Variants in BCAT2 observed in about 807,000 individuals in gnomAD.
BCAT2 encodes the protein branched-chain-amino-acid aminotransferase, mitochondrial.
A neutral mutation model predicts 52.9 loss-of-function variants in BCAT2; 44 were observed. That is an observed-to-expected ratio of 0.83 (90% CI 0.65 to 1.07). BCAT2 has a LOEUF of 1.07. Among genes scored for constraint, BCAT2 ranks in the 50% least tolerant of loss-of-function variants. The pLI is 0.00. For synonymous variants in BCAT2, 215 were observed against 217.1 expected (o/e 0.99, Z 0.08); for missense variants, 478 against 521.8 (o/e 0.92, Z 0.82).
intron 3 of BCAT2, among the ~76,000 whole-genome samples, chr19:48,803,830 T>C (rs1360014356): frequency 6.6e-6 from 1 of 152,138 alleles, no homozygotes; most frequent in East Asian, 1.9e-4. Flanking sequence ...GTGCTGATGG[T>C]TGCATAACAT....
At chr19:48,808,177 G>C in intron 1 of BCAT2, 1 of 986,674 alleles carries the variant, frequency 1.0e-6, no homozygotes, top group Non-Finnish European at 1.2e-6. Flanking sequence ...ATCAGAGCGT[G>C]GGTCCCCAGA....
intron 10 of BCAT2, chr19:48,796,044 T>C (rs2034502879): frequency 2.5e-6 from 1 of 400,596 alleles, no homozygotes; most frequent in African/African-American, 2.1e-5. Flanking sequence ...AGGGCCTTTC[T>C]CCCACCAGGG....
chr19:48,806,730 A>C lies in BCAT2; in HGVS notation c.100-13T>G, dbSNP rs1257818167. 1 of 1,611,318 alleles carries C rather than the reference A, an allele frequency of 6.2e-7. No homozygotes were observed. The highest frequency in any genetic ancestry group is 1.1e-5 in the South Asian group (1 of 91,084). On this transcript the variant is annotated splice_polypyrimidine_tract_variant and intron_variant, in intron 2 of 10. Coordinates refer to ENST00000316273, the MANE Select transcript of BCAT2 (RefSeq NM_001190.4). ...GCAGGTCTGCAGCCTGAGGAAAGACAGGGGTATCCTAGAATCTGGCCACAA... is the reference window on the plus strand; with the variant it reads ...GCAGGTCTGCAGCCTGAGGAAAGACCGGGGTATCCTAGAATCTGGCCACAA...
rs1045285691 is a variant in BCAT2, at chr19:48,799,838, G to A, written c.532C>T (p.Pro178Ser). 4 of 1,559,184 alleles carry A rather than the reference G, an allele frequency of 2.6e-6. No individual in the cohort carries two copies. Among genetic ancestry groups the A allele is most frequent in the Admixed American group, 3.9e-5 (2 of 51,408 alleles). ...YVRPVLIGNE[P>S]SLGVSQPTRA... The stretch of plus-strand genomic sequence containing the variant: ...GTGGGCTGGCTGACACCCAGCGAGG[G>A]CTGCGACGGGCAAAGGGACAGCGTC... The change falls in exon 6 of 11, where the codon CCC (proline) becomes TCC (serine). Residue 178 changes from proline to serine, a missense_variant and splice_region_variant. Coordinates refer to ENST00000316273, the MANE Select transcript of BCAT2 (RefSeq NM_001190.4). The surrounding 1 kb of genome is among the most constrained non-coding windows in gnomAD (Gnocchi z 5.5).
chr19:48,796,080 G>A (rs1472121632), intron 10 of BCAT2: 2 of 469,346 alleles, frequency 4.3e-6, no homozygotes, highest in African/African-American at 2.0e-5. Context: ...AGGATCACAG[G>A]GAGGGAGTTT....
In BCAT2 at chr19:48,796,516, TG is replaced by T; in HGVS notation, c.1066-15del. On this transcript the variant is annotated splice_polypyrimidine_tract_variant and intron_variant, in intron 9 of 10. Coordinates refer to ENST00000316273, the MANE Select transcript of BCAT2 (RefSeq NM_001190.4). ...AATGTGGAGGTTCTGGGACAGAAGG[TG>T]CGGTGAGGACCAAGCCCCTCCCCTC... 1 of 1,612,182 alleles carries T rather than the reference TG, an allele frequency of 6.2e-7. No individual in the cohort carries two copies. The highest frequency in any genetic ancestry group is 8.5e-7 in the Non-Finnish European group (1 of 1,179,474).
At position 48,797,256 on chromosome 19, in the gene BCAT2, G is replaced by T; in HGVS notation, c.773C>A (p.Pro258His). 1 of 1,613,914 alleles carries T rather than the reference G, an allele frequency of 6.2e-7. No individual in the cohort carries two copies. The highest frequency in any genetic ancestry group is 8.5e-7 in the Non-Finnish European group (1 of 1,179,952). ...TCCCACCTCGGTGAGCTGGTGGTCG[G>T]GCCCATACAGCCAGAGGACCTGTTC... ...GCEQVLWLYG[P>H]DHQLTEVGTM... The change falls in exon 7 of 11, where the codon CCC (proline) becomes CAC (histidine). Residue 258 changes from proline to histidine, a missense_variant. By Grantham distance (77) the Pro-to-His change is moderately conservative. Coordinates refer to ENST00000316273, the MANE Select transcript of BCAT2 (RefSeq NM_001190.4).
At chr19:48,809,426 A>G (rs2034871350) in intron 1 of BCAT2, among the ~76,000 whole-genome samples, 1 of 151,676 alleles carries the variant, frequency 6.6e-6, no homozygotes, top group Non-Finnish European at 1.5e-5. Flanking sequence ...TCCATACTCC[A>G]GGACTGTCCC....
At position 48,807,562 on chromosome 19, in the gene BCAT2, T is replaced by C; in HGVS notation, c.25-488A>G. 1 of 312,876 alleles carries C rather than the reference T, an allele frequency of 3.2e-6. No homozygotes were observed. Among genetic ancestry groups the C allele is most frequent in the Non-Finnish European group, 4.7e-6 (1 of 214,252 alleles). 19.4% of individuals were successfully genotyped at this position (312,876 alleles called of 1,614,324 possible). On this transcript the variant is annotated intron_variant, in intron 1 of 10. Coordinates refer to ENST00000316273, the MANE Select transcript of BCAT2 (RefSeq NM_001190.4). This position sits in a 1 kb window ranked among gnomAD's most constrained non-coding sequence, Gnocchi z 4.6. The stretch of plus-strand genomic sequence containing the variant: ...GCTGCCTCCTCCCTCAGACCCGAAG[T>C]CTGGGCCCCCAGCCCCTCCTCCCTC...
chr19:48,810,986 G>T lies in BCAT2; in HGVS notation c.22C>A (p.Gln8Lys), dbSNP rs200969968. ...CCGGCGCGGGGCTGCGAACCCACCT[G>T]CCCCAGAGCGGCTGCGGCCATGATC... MAAAALG[Q>K]IWARKLLSVP... Residue 8 changes from glutamine to lysine, a missense_variant and splice_region_variant, in exon 1 of 11, where the codon CAG (glutamine) becomes AAG (lysine). By Grantham distance (53) the Gln-to-Lys change is moderately conservative (BLOSUM62 1). Coordinates refer to ENST00000316273, the MANE Select transcript of BCAT2 (RefSeq NM_001190.4). The T allele has an allele frequency of 2.7e-5, 43 of 1,608,278 alleles. No homozygotes were observed. Among genetic ancestry groups the T allele is most frequent in the Non-Finnish European group, 2.5e-6 (3 of 1,178,122 alleles).
chr19:48,797,036 A>G lies in BCAT2; in HGVS notation c.839-14T>C. On this transcript the variant is annotated splice_polypyrimidine_tract_variant and intron_variant, in intron 7 of 10. Transcript: ENST00000316273. Reference sequence around the variant, plus strand: ...CCAGCTCCAGCACTAGGGCAGGTGTAAGGGGTGGAAGATGTTACCTCTCAC... The same window carrying G: ...CCAGCTCCAGCACTAGGGCAGGTGTGAGGGGTGGAAGATGTTACCTCTCAC... 2 of 1,613,988 alleles carry G rather than the reference A, an allele frequency of 1.2e-6. No individual in the cohort carries two copies. Among genetic ancestry groups the G allele is most frequent in the Non-Finnish European group, 1.7e-6 (2 of 1,179,856 alleles).
chr19:48,803,187 A>G (rs1020324091), intron 3 of BCAT2, among the ~76,000 whole-genome samples: 2 of 148,238 alleles, frequency 1.3e-5, no homozygotes, highest in Non-Finnish European at 3.0e-5. Flanking sequence ...AGAGCAAGAC[A>G]CCGTCTCAAA....
At chr19:48,808,885 G>A (rs945237563) in intron 1 of BCAT2, among the ~76,000 whole-genome samples, 23 of 151,788 alleles carry the variant, frequency 1.5e-4, no homozygotes, top group African/African-American at 5.6e-4. Flanking sequence ...ATCAGCCTGG[G>A]CAATATAGCA....
intron 10 of BCAT2, among the ~76,000 whole-genome samples, chr19:48,795,675 A>G (rs890646249): frequency 6.6e-6 from 1 of 152,158 alleles, no homozygotes; most frequent in Non-Finnish European, 1.5e-5. Context: ...TTCTGAAGAC[A>G]GGAATTATGG....
intron 3 of BCAT2, among the ~76,000 whole-genome samples, chr19:48,801,795 C>T (rs1018537561): frequency 6.6e-6 from 1 of 152,010 alleles, no homozygotes; most frequent in Non-Finnish European, 1.5e-5. Context: ...TACAACCACG[C>T]CCGGCTAATT....
Position 48,796,049 on chromosome 19 carries a change from C to G in BCAT2, c.1140+379G>C, listed in dbSNP as rs147044185. ...ATTCATGGAAAGGGCCTTTCTCCCA[C>G]CAGGGCACCCGGGGCAGCAGAGGAT... On this transcript the variant is annotated intron_variant, in intron 10 of 10. Transcript: ENST00000316273. 2.0e-3 allele frequency: 812 copies of G among 412,650 alleles called. 7 individuals carry two copies. Among genetic ancestry groups the G allele is most frequent in the African/African-American group, 0.015 (718 of 49,224 alleles). The allele number at this position is 412,650 out of a possible 1,614,324, so 25.6% of individuals were successfully genotyped here.
At chr19:48,797,880 G>A (rs570202626) in intron 6 of BCAT2, among the ~76,000 whole-genome samples, 1 of 150,314 alleles carries the variant, frequency 6.7e-6, no homozygotes, top group Non-Finnish European at 1.5e-5. Context: ...GCAGTGGTGC[G>A]ATCTCAGCTC....
At position 48,807,680 on chromosome 19, in the gene BCAT2, C is replaced by A; in HGVS notation, c.25-606G>T. 1 of 976,246 alleles carries A rather than the reference C, an allele frequency of 1.0e-6. No homozygotes were observed. 60.5% of individuals were successfully genotyped at this position (976,246 alleles called of 1,614,324 possible). ...CCTCAGACCCAGGAGTCCAGTTCCC[C>A]AGCCCCTCCTCCGCCAGACCCAGGA... On this transcript the variant is annotated intron_variant, in intron 1 of 10. Transcript: ENST00000316273. This position sits in a 1 kb window ranked among gnomAD's most constrained non-coding sequence, Gnocchi z 4.6.
intron 3 of BCAT2, among the ~76,000 whole-genome samples, chr19:48,803,876 G>C (rs1473318864): frequency 6.6e-6 from 1 of 152,122 alleles, no homozygotes; most frequent in Admixed American, 6.6e-5. Flanking sequence ...AAAATGGTTG[G>C]AGGCTGGGCG....
Sources: gnomAD v4.1 joint callset for allele counts (sites outside exome capture counted in the v4.1 genomes callset) on GRCh38, gnomAD v4.1.1 for gene constraint, Gnocchi (gnomAD v3.1) non-coding constraint, MANE v1.5 for transcripts, NCBI Gene and HGNC (gene_info 2026-07-23, HGNC 2026-07-21) for gene names.